COL6A6: variants seen among roughly 807,000 people sequenced by gnomAD.
COL6A6 encodes the protein collagen alpha-6(VI) chain.
In COL6A6, 183 loss-of-function variants were observed where a neutral mutation model predicts 208.6. The observed-to-expected ratio is 0.88, with a 90% confidence interval of 0.78 to 0.99. COL6A6 has a LOEUF of 0.99. COL6A6 is among the 50% of genes least tolerant of loss of function. COL6A6 has a pLI of 0.00. For missense variants in COL6A6, 2,816 were observed against 2,815.2 expected, an observed-to-expected ratio of 1.00 and a Z score of -0.01; for synonymous variants, 973 against 1,011.8, an observed-to-expected ratio of 0.96 and a Z score of 0.73.
chr3:130,576,613 G>T (rs914054689), intron 8 of COL6A6, among the ~76,000 whole-genome samples: 2 of 151,710 alleles, frequency 1.3e-5, no homozygotes, highest in East Asian at 3.9e-4. Flanking sequence ...GTAAAAAACA[G>T]AAGTATGAAC....
At chr3:130,669,288 G>C (rs1347266285) in intron 36 of COL6A6, among the ~76,000 whole-genome samples, 1 of 151,984 alleles carries the variant, frequency 6.6e-6, no homozygotes, top group Non-Finnish European at 1.5e-5. Context: ...CCAGCTACTC[G>C]GGAGGCAGAG....
In COL6A6 at chr3:130,664,997, T is replaced by C. The variant is rs766934471; in HGVS notation, c.6503-6T>C. 1 of 1,572,770 alleles carries C rather than the reference T, an allele frequency of 6.4e-7. No homozygotes were observed. The highest frequency in any genetic ancestry group is 8.7e-7 in the Non-Finnish European group (1 of 1,149,982). ...ACAAGACTTATCACAGACTTTTCTC[T>C]TCTAGGTGCAATCAACAAATATCCA... On this transcript the variant is annotated splice_polypyrimidine_tract_variant and splice_region_variant and intron_variant, in intron 35 of 36. Transcript: ENST00000358511.
At chr3:130,587,220 A>G (rs1047055621) in intron 11 of COL6A6, among the ~76,000 whole-genome samples, 1 of 152,208 alleles carries the variant, frequency 6.6e-6, no homozygotes, top group African/African-American at 2.4e-5. Context: ...TTTATGAGCA[A>G]TTGAAAGATT....
At chr3:130,600,649 G>A (rs1413928734) in intron 20 of COL6A6, among the ~76,000 whole-genome samples, 1 of 152,174 alleles carries the variant, frequency 6.6e-6, no homozygotes, top group South Asian at 2.1e-4. Flanking sequence ...TCACTCACAA[G>A]TGGGAGTTGA....
chr3:130,670,195 G>A (rs1329277803), intron 36 of COL6A6, among the ~76,000 whole-genome samples: 5 of 152,204 alleles, frequency 3.3e-5, no homozygotes, highest in Admixed American at 1.3e-4. Flanking sequence ...AGGGCTCCCC[G>A]TGCTGCAGGT....
At chr3:130,595,414 C>G (rs78479625) in intron 18 of COL6A6, among the ~76,000 whole-genome samples, 1,691 of 152,260 alleles carry the variant, frequency 0.011, 29 homozygotes, top group African/African-American at 0.039. Context: ...GTAGTCACCA[C>G]CAGGTAAAGA....
At chr3:130,541,966 C>T (rs2062373822) in intron 1 of COL6A6, among the ~76,000 whole-genome samples, 1 of 152,136 alleles carries the variant, frequency 6.6e-6, no homozygotes, top group Admixed American at 6.5e-5. Flanking sequence ...CATAATATTC[C>T]TTGATTAGCC....
intron 26 of COL6A6, among the ~76,000 whole-genome samples, chr3:130,628,610 A>C (rs2064962672): frequency 6.6e-6 from 1 of 152,188 alleles, no homozygotes; most frequent in Non-Finnish European, 1.5e-5. Context: ...GGATTATTAT[A>C]TCTCTTCAAT....
At chr3:130,590,648 A>G (rs1168276525) in intron 12 of COL6A6, among the ~76,000 whole-genome samples, 3 of 151,684 alleles carry the variant, frequency 2.0e-5, no homozygotes, top group Admixed American at 1.3e-4. Flanking sequence ...GCTCACTGCA[A>G]GCTCCGCCTC....
At chr3:130,627,251 C>T (rs2064917130) in intron 25 of COL6A6, 68 bp from the exon 26 acceptor site, 1 of 1,450,908 alleles carries the variant, frequency 6.9e-7, no homozygotes, top group Non-Finnish European at 9.7e-7. Context: ...GCAATGTTGT[C>T]CTCTTGAAGA....
chr3:130,589,539 T>C (rs1038524345), intron 12 of COL6A6, among the ~76,000 whole-genome samples: 22 of 152,324 alleles, frequency 1.4e-4, no homozygotes, highest in East Asian at 3.9e-4. Flanking sequence ...TTTTTAATGA[T>C]GGCAGAGTTA....
chr3:130,576,709 G>A (rs1296914457), intron 8 of COL6A6, among the ~76,000 whole-genome samples: 1 of 152,146 alleles, frequency 6.6e-6, no homozygotes, highest in Non-Finnish European at 1.5e-5. Flanking sequence ...TAAACTTGAG[G>A]TTATTACTTC....
At chr3:130,660,781 C>G (rs981585025) in intron 34 of COL6A6, among the ~76,000 whole-genome samples, 1 of 152,186 alleles carries the variant, frequency 6.6e-6, no homozygotes, top group African/African-American at 2.4e-5. Context: ...TACCACCTGG[C>G]CTCATCTCTA....
At position 130,571,101 on chromosome 3, in the gene COL6A6, A is replaced by G; in HGVS notation, c.2685A>G (p.Ser895=). ...STYTAEALGF[S]DHMFTEARGS... is the part of the protein sequence containing the mutation. ...ATACTGCTGAGGCACTGGGCTTCTC[A>G]GACCACATGTTCACTGAAGCCCGGG... Residue 895 remains serine (S), a synonymous_variant, in exon 7 of 37, where the codon TCA becomes TCG. Coordinates refer to ENST00000358511, the MANE Select transcript of COL6A6 (RefSeq NM_001102608.3). 6.2e-7 allele frequency: 1 copy of G among 1,613,916 alleles called. No individual in the cohort carries two copies. Among genetic ancestry groups the G allele is most frequent in the East Asian group, 2.2e-5 (1 of 44,882 alleles).
At chr3:130,669,487 G>C (rs11916969) in intron 36 of COL6A6, among the ~76,000 whole-genome samples, 3,024 of 151,924 alleles carry the variant, frequency 0.02, 100 homozygotes, top group African/African-American at 0.068. Context: ...AAATTATAGT[G>C]AAAACTTAAA....
intron 36 of COL6A6, among the ~76,000 whole-genome samples, chr3:130,665,884 T>C (rs1360767098): frequency 2.0e-5 from 3 of 152,174 alleles, no homozygotes; most frequent in Admixed American, 1.3e-4. Context: ...ACCACTCACA[T>C]GTTACTTATT....
intron 26 of COL6A6, among the ~76,000 whole-genome samples, chr3:130,634,242 TAAAAAAAAAAAA>T (rs202193097): frequency 4.2e-5 from 1 of 23,808 alleles, no homozygotes; most frequent in African/African-American, 5.8e-4. Context: ...AATAAATAAA[TAAAAAAAAAAAA>T]AAAAAAAAAA....
chr3:130,661,429 G>A (rs779984359), intron 34 of COL6A6, among the ~76,000 whole-genome samples: 3 of 152,154 alleles, frequency 2.0e-5, no homozygotes, highest in Non-Finnish European at 2.9e-5. Context: ...TTAGTAAATG[G>A]AGTCCAAGAC....
Position 130,668,674 on chromosome 3 carries a change from T to C in COL6A6, c.6596+3578T>C, listed in dbSNP as rs1486058907. Reference sequence around the variant, plus strand: ...AGAGATAAAGAGGATGACTACATGATGACAAAGTGTTCAATTTATGAGGAA... The same window carrying C: ...AGAGATAAAGAGGATGACTACATGACGACAAAGTGTTCAATTTATGAGGAA... On this transcript the variant is annotated intron_variant, in intron 36 of 36. Transcript: ENST00000358511. Among the ~76,000 whole-genome samples, 3 of 152,304 alleles carry C rather than the reference T, an allele frequency of 2.0e-5. No individual in the cohort carries two copies. In the East Asian group the frequency reaches 5.8e-4, roughly 29 times the overall value.
Sources: gnomAD v4.1 joint callset for allele counts (sites outside exome capture counted in the v4.1 genomes callset) on GRCh38, gnomAD v4.1.1 for gene constraint, MANE v1.5 for transcripts, NCBI Gene and HGNC (gene_info 2026-07-23, HGNC 2026-07-21) for gene names.